EPB41L4A: variants seen among roughly 807,000 people sequenced by gnomAD.
EPB41L4A encodes erythrocyte membrane protein band 4.1 like 4A.
Under a neutral mutation model 108.6 loss-of-function variants are expected in EPB41L4A, and 100 were observed. The observed-to-expected ratio is 0.92, with a 90% CI of 0.78 to 1.09. The LOEUF (loss-of-function observed/expected upper bound fraction) is 1.09, where lower values mean the gene tolerates loss of function less well. Among genes scored for constraint, EPB41L4A ranks in the 50% least tolerant of loss-of-function variants. The pLI is 0.00. For synonymous variants in EPB41L4A, 319 were observed against 289.0 expected (o/e 1.10, Z -1.05); for missense variants, 1,030 against 842.7 (o/e 1.22, Z -2.75).
intron 1 of EPB41L4A, among the ~76,000 whole-genome samples, chr5:112,397,358 A>T (rs1329263753): frequency 6.6e-6 from 1 of 152,244 alleles, no homozygotes; most frequent in Non-Finnish European, 1.5e-5. Context: ...TTTTTACCAT[A>T]GCAAAATAGC....
At chr5:112,266,655 T>C (rs1751884130) in intron 4 of EPB41L4A, among the ~76,000 whole-genome samples, 1 of 152,120 alleles carries the variant, frequency 6.6e-6, no homozygotes, top group South Asian at 2.1e-4. Context: ...ACTGGAACAG[T>C]TGACAGCATC....
chr5:112,276,485 C>A (rs1364026921), intron 3 of EPB41L4A, among the ~76,000 whole-genome samples: 1 of 152,154 alleles, frequency 6.6e-6, no homozygotes, highest in African/African-American at 2.4e-5. Context: ...GTAACTAGAT[C>A]TAATACACTT....
chr5:112,282,318 T>C (rs1371512133), intron 2 of EPB41L4A, among the ~76,000 whole-genome samples: 3 of 152,244 alleles, frequency 2.0e-5, no homozygotes, highest in African/African-American at 7.2e-5. Context: ...GTGAGGGGAC[T>C]GTTTCTTGCC....
At position 112,239,472 on chromosome 5, in the gene EPB41L4A, T is replaced by C. The variant is rs1749612676; in HGVS notation, c.965+188A>G. On this transcript the variant is annotated intron_variant, in intron 11 of 22. Transcript: ENST00000261486. Reference sequence around the variant, plus strand: ...CCCACAACATAGCTAATGCAGACACTAAATATAATTAAATCTGGAAAATCA... The same window carrying C: ...CCCACAACATAGCTAATGCAGACACCAAATATAATTAAATCTGGAAAATCA... 9.6e-6 allele frequency: 4 copies of C among 414,980 alleles called. No homozygotes were observed. In the South Asian group the frequency reaches 2.5e-4, roughly 26 times the overall value. The allele number at this position is 414,980 out of a possible 1,614,324, so 25.7% of individuals were successfully genotyped here. A position where few individuals can be genotyped will look rare whatever the true frequency, so the allele number is the denominator to read the frequency against.
chr5:112,346,594 G>A (rs886619209), intron 1 of EPB41L4A, among the ~76,000 whole-genome samples: 8 of 152,138 alleles, frequency 5.3e-5, no homozygotes, highest in Non-Finnish European at 1.2e-4. Flanking sequence ...ACAAAAAACT[G>A]ACAGAAGTCA....
At position 112,209,922 on chromosome 5, in the gene EPB41L4A, A is replaced by G. The variant is rs1762652199; in HGVS notation, c.1148T>C (p.Ile383Thr). Reference sequence around the variant, plus strand: ...TACTGGTGAAGGTGCAATAATTTTAATTGTTCCTTCATTTTCTCCATTTTC... The same window carrying G: ...TACTGGTGAAGGTGCAATAATTTTAGTTGTTCCTTCATTTTCTCCATTTTC... ...NMENGENEGT[I>T]KIIAPSPVKS... The change falls in exon 13 of 23, where the codon ATT becomes ACT. Residue 383 changes from isoleucine (I) to threonine (T), a missense_variant. Physicochemically the swap from Ile to Thr is moderately conservative, Grantham distance 89. Coordinates refer to ENST00000261486, the MANE Select transcript of EPB41L4A (RefSeq NM_022140.5). 12 of 1,607,126 alleles carry G rather than the reference A, an allele frequency of 7.5e-6. No homozygotes were observed. The highest frequency in any genetic ancestry group is 2.2e-5 in the East Asian group (1 of 44,630).
chr5:112,334,148 T>G (rs1756770382), intron 1 of EPB41L4A, among the ~76,000 whole-genome samples: 1 of 152,130 alleles, frequency 6.6e-6, no homozygotes, highest in Admixed American at 6.5e-5. Flanking sequence ...ATCCTAAAAC[T>G]GACAAAACAA....
chr5:112,220,951 C>T (rs1253551791), intron 12 of EPB41L4A, among the ~76,000 whole-genome samples: 1 of 152,176 alleles, frequency 6.6e-6, no homozygotes, highest in Admixed American at 6.5e-5. Context: ...TCTAGTCATA[C>T]TTCTGCATGA....
At chr5:112,171,607 T>C (rs1561447158) in intron 18 of EPB41L4A, among the ~76,000 whole-genome samples, 2 of 152,222 alleles carry the variant, frequency 1.3e-5, no homozygotes, top group Non-Finnish European at 2.9e-5. Flanking sequence ...CTGCAAATCT[T>C]TTCTCCAAGA....
intron 1 of EPB41L4A, among the ~76,000 whole-genome samples, chr5:112,412,791 G>A (rs951930969): frequency 3.3e-5 from 5 of 152,216 alleles, no homozygotes; most frequent in Admixed American, 6.5e-5. Context: ...AGAGAGGCAG[G>A]AGCCGTAGAT....
At chr5:112,390,425 C>T (rs1005763357) in intron 1 of EPB41L4A, among the ~76,000 whole-genome samples, 3 of 152,138 alleles carry the variant, frequency 2.0e-5, no homozygotes, top group Non-Finnish European at 4.4e-5. Flanking sequence ...GTCTCACACC[C>T]ACGGAGCCTT....
intron 1 of EPB41L4A, among the ~76,000 whole-genome samples, chr5:112,314,239 G>C (rs1755261005): frequency 6.6e-6 from 1 of 152,008 alleles, no homozygotes; most frequent in Non-Finnish European, 1.5e-5. Flanking sequence ...ATATACCAAT[G>C]TGGAAGCTAT....
At chr5:112,240,056 G>A (rs898243417) in intron 10 of EPB41L4A, among the ~76,000 whole-genome samples, 3 of 152,116 alleles carry the variant, frequency 2.0e-5, no homozygotes, top group Non-Finnish European at 4.4e-5. Context: ...TCATCTGACC[G>A]GACCTCCCAG....
At chr5:112,414,053 C>G (rs1489120149) in intron 1 of EPB41L4A, among the ~76,000 whole-genome samples, 2 of 152,140 alleles carry the variant, frequency 1.3e-5, no homozygotes, top group Non-Finnish European at 2.9e-5. Context: ...GATGGGGAAA[C>G]TGAAACTCAG....
At chr5:112,323,755 ATTT>A in intron 1 of EPB41L4A, among the ~76,000 whole-genome samples, 2 of 152,308 alleles carry the variant, frequency 1.3e-5, no homozygotes, top group Non-Finnish European at 1.5e-5. Flanking sequence ...GTTTTGCTTT[ATTT>A]AGAGGTTATT....
chr5:112,195,575 G>GC lies in EPB41L4A; in HGVS notation c.1424+85dup, dbSNP rs984422182. On this transcript the variant is annotated intron_variant, in intron 16 of 22. Coordinates refer to ENST00000261486, the MANE Select transcript of EPB41L4A (RefSeq NM_022140.5). ...AGTAAAAAAAATAAAAAAAAATAATGCCCCCGCTCTTTCCTTAACTCTGAG... is the reference window on the plus strand; with the variant it reads ...AGTAAAAAAAATAAAAAAAAATAATGCCCCCCGCTCTTTCCTTAACTCTGAG... 41 of 1,099,128 alleles carry GC rather than the reference G, an allele frequency of 3.7e-5. 1 individual carries two copies. In the African/African-American group the frequency reaches 6.4e-4, roughly 17 times the overall value. 68.1% of individuals were successfully genotyped at this position (1,099,128 alleles called of 1,614,324 possible).
At chr5:112,207,456 C>T (rs1435014232) in intron 13 of EPB41L4A, among the ~76,000 whole-genome samples, 1 of 152,088 alleles carries the variant, frequency 6.6e-6, no homozygotes, top group Non-Finnish European at 1.5e-5. Context: ...TTCTGCACAA[C>T]AAAAGAAACT....
rs1198927879 is a variant in EPB41L4A at position 112,242,203 on chromosome 5, T to C, written c.796-1393A>G. On this transcript the variant is annotated intron_variant, in intron 9 of 22. Transcript: ENST00000261486. ...AGCACGTGATATTGTTTGATAGCAT[T>C]TGACCCACAGTAGAACTTCTTTCAA... Among the ~76,000 whole-genome samples, 3 of 152,354 alleles carry C rather than the reference T, an allele frequency of 2.0e-5. No individual in the cohort carries two copies. In the East Asian group the frequency reaches 5.8e-4, roughly 29 times the overall value.
At chr5:112,233,044 TA>T (rs1035904695) in intron 12 of EPB41L4A, among the ~76,000 whole-genome samples, 20 of 151,168 alleles carry the variant, frequency 1.3e-4, no homozygotes, top group Admixed American at 7.2e-4. Context: ...GTGTCTTCAT[TA>T]AAAAAAAATC....
Sources: allele counts gnomAD v4.1 joint callset (sites outside exome capture counted in the v4.1 genomes callset), GRCh38; gene constraint gnomAD v4.1.1; transcripts MANE v1.5; gene names NCBI Gene and HGNC (gene_info 2026-07-23, HGNC 2026-07-21).